ERBIN: variants seen among roughly 807,000 people sequenced by gnomAD.
ERBIN encodes the protein erbb2 interacting protein.
ERBIN carries 60 observed loss-of-function variants against 158.4 expected under a neutral mutation model. The observed-to-expected ratio is 0.38, with a 90% confidence interval of 0.31 to 0.47. ERBIN has a LOEUF of 0.47. Ranked by LOEUF, ERBIN falls within the 20% of genes least tolerant of loss-of-function variation. The pLI is 0.99. For missense variants in ERBIN, 1,610 were observed against 1,648.0 expected, an observed-to-expected ratio of 0.98 and a Z score of 0.40; for synonymous variants, 594 against 557.2, an observed-to-expected ratio of 1.07 and a Z score of -0.93.
At chr5:66,023,455 A>G in intron 9 of ERBIN, 91 bp downstream of exon 9, 1 of 707,394 alleles carries the variant, frequency 1.4e-6, no homozygotes, top group Non-Finnish European at 2.3e-6. Context: ...CTTTTAATTA[A>G]TAAAAAAATT....
At chr5:66,026,245 A>T in intron 12 of ERBIN, 57 bp from the exon 13 acceptor site, 1 of 1,038,468 alleles carries the variant, frequency 9.6e-7, no homozygotes. Flanking sequence ...TGTTTTTTAT[A>T]TGTTGATCAA....
At chr5:66,051,913 C>G (rs1251045717) in intron 20 of ERBIN, among the ~76,000 whole-genome samples, 1 of 142,620 alleles carries the variant, frequency 7.0e-6, no homozygotes, top group Admixed American at 6.9e-5. Flanking sequence ...AAAAAAGAGA[C>G]AGATTGGGGT....
Position 66,054,664 on chromosome 5 carries a change from A to G in ERBIN, c.3346A>G (p.Thr1116Ala). 1 of 1,613,824 alleles carries G rather than the reference A, an allele frequency of 6.2e-7. No individual in the cohort carries two copies. The highest frequency in any genetic ancestry group is 8.5e-7 in the Non-Finnish European group (1 of 1,179,944). ...CAGAGAGTTCCACTCAGCGGGAAGA[A>G]CTCCTCCAATGATGCCAGGATCACA... ...SYREFHSAGRTPPMMPGSQRP... is the reference protein window; with the variant it reads ...SYREFHSAGRAPPMMPGSQRP... The change falls in exon 21 of 26, where the codon ACT becomes GCT. Residue 1116 changes from threonine (T) to alanine (A), a missense_variant. Coordinates refer to ENST00000284037, the MANE Select transcript of ERBIN (RefSeq NM_001253697.2).
chr5:66,057,887 T>C (rs1345010301), intron 21 of ERBIN, among the ~76,000 whole-genome samples: 2 of 149,766 alleles, frequency 1.3e-5, no homozygotes, highest in Non-Finnish European at 2.9e-5. Context: ...GAACTTATCA[T>C]TTTTTATGGC....
At chr5:66,038,630 A>G (rs1057142392) in intron 15 of ERBIN, 148 bp downstream of exon 15, 2 of 566,656 alleles carry the variant, frequency 3.5e-6, no homozygotes, top group Middle Eastern at 4.0e-4. Flanking sequence ...ATGGAAAAAT[A>G]GGGCACGATT....
chr5:66,050,091 T>C (rs903677700), intron 19 of ERBIN, among the ~76,000 whole-genome samples: 1 of 152,076 alleles, frequency 6.6e-6, no homozygotes, highest in African/African-American at 2.4e-5. Context: ...CCCAGTTGAG[T>C]TCAGAAAGGT....
At chr5:65,935,655 G>C (rs530911113) in intron 1 of ERBIN, among the ~76,000 whole-genome samples, 1 of 152,304 alleles carries the variant, frequency 6.6e-6, no homozygotes, top group Non-Finnish European at 1.5e-5. Flanking sequence ...CTTTACATTG[G>C]ACAAGTTATT....
intron 1 of ERBIN, among the ~76,000 whole-genome samples, chr5:65,977,739 A>C (rs2151005701): frequency 6.6e-6 from 1 of 152,196 alleles, no homozygotes; most frequent in Non-Finnish European, 1.5e-5. Flanking sequence ...GACGCTCCTC[A>C]CTTCCCAGAC....
At chr5:66,020,553 A>G (rs1755578420) in intron 7 of ERBIN, among the ~76,000 whole-genome samples, 1 of 152,010 alleles carries the variant, frequency 6.6e-6, no homozygotes, top group South Asian at 2.1e-4. Flanking sequence ...AATGTATTAA[A>G]TAATAGGTGT....
intron 1 of ERBIN, among the ~76,000 whole-genome samples, chr5:65,978,431 A>G (rs1040293483): frequency 6.6e-6 from 1 of 152,206 alleles, no homozygotes; most frequent in Non-Finnish European, 1.5e-5. Flanking sequence ...CAGTCCTGCT[A>G]CACTGAGATG....
intron 1 of ERBIN, among the ~76,000 whole-genome samples, chr5:65,985,689 G>C (rs1751148164): frequency 6.6e-6 from 1 of 152,154 alleles, no homozygotes; most frequent in South Asian, 2.1e-4. Context: ...CAAATCTGCT[G>C]TTGTATCTCT....
intron 1 of ERBIN, among the ~76,000 whole-genome samples, chr5:65,949,872 A>G (rs1367352107): frequency 2.6e-5 from 4 of 152,090 alleles, no homozygotes; most frequent in Non-Finnish European, 1.5e-5. Context: ...CAGTTTTGCT[A>G]CCTTGCTCAG....
rs35063438 is a variant in ERBIN at position 66,003,923 on chromosome 5, C to CTTT, written c.308-8103_308-8101dup. Among the ~76,000 whole-genome samples, 581 of 62,620 alleles carry CTTT rather than the reference C, an allele frequency of 9.3e-3. 7 individuals carry two copies. Among genetic ancestry groups the CTTT allele is most frequent in the African/African-American group, 0.023 (375 of 16,076 alleles). 41.1% of individuals were successfully genotyped at this position (62,620 alleles called of 152,430 possible). ...CTTCATTTCACATTGGAGCAGCAGT[C>CTTT]TTTTTTTTTTTTTTTTTTTTTTTTT... On this transcript the variant is annotated intron_variant, in intron 4 of 25. Transcript: ENST00000284037.
chr5:65,981,328 GAAAC>G (rs1749013943), intron 1 of ERBIN, among the ~76,000 whole-genome samples: 1 of 152,008 alleles, frequency 6.6e-6, no homozygotes, highest in Non-Finnish European at 1.5e-5. Flanking sequence ...GTTTAATAAA[GAAAC>G]AAGGATTAGA....
At chr5:66,001,100 G>A (rs1226810543) in intron 4 of ERBIN, among the ~76,000 whole-genome samples, 2 of 152,026 alleles carry the variant, frequency 1.3e-5, no homozygotes, top group Admixed American at 6.6e-5. Context: ...TTTTTGATTT[G>A]ATAATAGACT....
intron 1 of ERBIN, among the ~76,000 whole-genome samples, chr5:65,955,565 G>T (rs767906959): frequency 2.0e-5 from 3 of 152,226 alleles, no homozygotes; most frequent in Non-Finnish European, 4.4e-5. Flanking sequence ...GGGAGGCAGA[G>T]GTTGTAGTGA....
intron 1 of ERBIN, chr5:65,984,743 C>G (rs116752156): frequency 6.6e-6 from 1 of 152,270 alleles, no homozygotes; most frequent in African/African-American, 2.4e-5. Flanking sequence ...GCTTATGCTT[C>G]TGCTTGTTCA....
At chr5:65,941,604 ATTG>A (rs962535432) in intron 1 of ERBIN, among the ~76,000 whole-genome samples, 29 of 151,594 alleles carry the variant, frequency 1.9e-4, no homozygotes, top group African/African-American at 5.9e-4. Context: ...TTATTTAATT[ATTG>A]TAGTAGGCTT....
chr5:66,050,909 A>G lies in ERBIN; in HGVS notation c.2030A>G (p.Asp677Gly), dbSNP rs1758954673. The G allele has an allele frequency of 6.2e-7, 1 of 1,607,252 alleles. No homozygotes were observed. The highest frequency in any genetic ancestry group is 1.1e-5 in the South Asian group (1 of 89,080). The part of the protein sequence containing the change: ...SVSLNTDSSQ[D>G]TSLCSPVKQT... ...TCTCTTAATACTGATAGTAGTCAAGACACCTCACTCTGCTCTCCAGTGAAA... is the reference window on the plus strand; with the variant it reads ...TCTCTTAATACTGATAGTAGTCAAGGCACCTCACTCTGCTCTCCAGTGAAA... Residue 677 changes from aspartate (D) to glycine (G), a missense_variant, in exon 20 of 26, where the codon GAC becomes GGC. By Grantham distance (94) the Asp-to-Gly change is moderately conservative. This residue lies in a region of ERBIN where 1,014 missense variants were observed against 936.1 expected (regional missense o/e 1.08). Coordinates refer to ENST00000284037, the MANE Select transcript of ERBIN (RefSeq NM_001253697.2).
Sources: gnomAD v4.1 joint callset for allele counts (sites outside exome capture counted in the v4.1 genomes callset) on GRCh38, gnomAD v4.1.1 for gene constraint, gnomAD v4.1.1 regional missense constraint, MANE v1.5 for transcripts, NCBI Gene and HGNC (gene_info 2026-07-23, HGNC 2026-07-21) for gene names.